HS6ST3: variants seen among roughly 807,000 people sequenced by gnomAD.
HS6ST3 encodes the protein heparan-sulfate 6-O-sulfotransferase 3.
HS6ST3 carries 12 observed loss-of-function variants against 36.7 expected under a neutral mutation model. The observed-to-expected ratio is 0.33, with a 90% CI of 0.21 to 0.53. HS6ST3 has a LOEUF of 0.53. HS6ST3 is among the 20% of genes least tolerant of loss of function. The pLI is 0.95. For synonymous variants in HS6ST3, 240 were observed against 257.5 expected (o/e 0.93, Z 0.65); for missense variants, 584 against 640.9 (o/e 0.91, Z 0.96).
intron 1 of HS6ST3, among the ~76,000 whole-genome samples, chr13:96,557,206 G>T (rs1254532777): frequency 6.6e-6 from 1 of 152,158 alleles, no homozygotes. Context: ...GTACCTGTGA[G>T]GTGGGTCTTG....
rs1444354627 is a variant in HS6ST3, at chr13:96,710,222, A to G, written c.708-122268A>G. Reference sequence around the variant, plus strand: ...GAAAATGGCCAAAAAAGACAGCCAAAGAAAATAGGATGAAGTAGTAAGCAG... The same window carrying G: ...GAAAATGGCCAAAAAAGACAGCCAAGGAAAATAGGATGAAGTAGTAAGCAG... On this transcript the variant is annotated intron_variant, in intron 1 of 1. Transcript: ENST00000376705. 2.0e-5 allele frequency among the ~76,000 whole-genome samples: 3 copies of G among 152,280 alleles called. No homozygotes were observed. In the East Asian group the frequency reaches 5.8e-4, roughly 29 times the overall value.
intron 1 of HS6ST3, among the ~76,000 whole-genome samples, chr13:96,564,825 A>G (rs2056275108): frequency 6.6e-6 from 1 of 152,206 alleles, no homozygotes; most frequent in Admixed American, 6.6e-5. Context: ...GTAATTTAAA[A>G]CACTCGTAGT....
chr13:96,153,118 A>G (rs979618392), intron 1 of HS6ST3, among the ~76,000 whole-genome samples: 2 of 152,128 alleles, frequency 1.3e-5, no homozygotes, highest in African/African-American at 4.8e-5. Flanking sequence ...ACACGTAAGC[A>G]TATGGACACA....
At chr13:96,732,862 G>A (rs1415186031) in intron 1 of HS6ST3, among the ~76,000 whole-genome samples, 1 of 151,960 alleles carries the variant, frequency 6.6e-6, no homozygotes, top group Non-Finnish European at 1.5e-5. Context: ...CTTTCACCTT[G>A]TTTGTTAAAT....
intron 1 of HS6ST3, among the ~76,000 whole-genome samples, chr13:96,168,460 C>A (rs2054171243): frequency 6.6e-6 from 1 of 152,062 alleles, no homozygotes; most frequent in East Asian, 1.9e-4. Context: ...AATCCCAGCA[C>A]TTTGGGTGGC....
intron 1 of HS6ST3, among the ~76,000 whole-genome samples, chr13:96,288,194 T>G (rs2054813054): frequency 6.6e-6 from 1 of 152,202 alleles, no homozygotes; most frequent in Non-Finnish European, 1.5e-5. Flanking sequence ...GTAATCCCTC[T>G]CTGAACCTGA....
chr13:96,612,858 G>C (rs1302005584), intron 1 of HS6ST3, among the ~76,000 whole-genome samples: 1 of 152,052 alleles, frequency 6.6e-6, no homozygotes, highest in Non-Finnish European at 1.5e-5. Flanking sequence ...CTCTAACCTG[G>C]CTTCCTTCCA....
In HS6ST3 at chr13:96,595,029, CT is replaced by C. The variant is rs1229571483; in HGVS notation, c.708-237458del. Among the ~76,000 whole-genome samples, 3 of 151,896 alleles carry C rather than the reference CT, an allele frequency of 2.0e-5. No individual in the cohort carries two copies. The South Asian group carries it at 6.2e-4, about 32-fold the overall frequency. On this transcript the variant is annotated intron_variant, in intron 1 of 1. Coordinates refer to ENST00000376705, the MANE Select transcript of HS6ST3 (RefSeq NM_153456.4). ...TAGCTTTTCTTTTTTCTCTTTAGAA[CT>C]TTGTTGTTTTTGTTTTTGTTTTGTG...
At chr13:96,282,691 A>G (rs905845365) in intron 1 of HS6ST3, among the ~76,000 whole-genome samples, 5 of 152,196 alleles carry the variant, frequency 3.3e-5, no homozygotes, top group African/African-American at 4.8e-5. Context: ...TATGTTGAAT[A>G]ATATGTAAGT....
chr13:96,208,545 T>C (rs1422691483), intron 1 of HS6ST3, among the ~76,000 whole-genome samples: 1 of 152,218 alleles, frequency 6.6e-6, no homozygotes, highest in Admixed American at 6.5e-5. Context: ...TAATACCAAG[T>C]ATTTTAGAAA....
intron 1 of HS6ST3, among the ~76,000 whole-genome samples, chr13:96,548,425 A>C (rs532835752): frequency 9.9e-5 from 15 of 152,242 alleles, no homozygotes; most frequent in Admixed American, 3.9e-4. Flanking sequence ...TGGCTTATGC[A>C]TTGTCACCCC....
chr13:96,095,651 A>G (rs1176357946), intron 1 of HS6ST3, among the ~76,000 whole-genome samples: 2 of 152,162 alleles, frequency 1.3e-5, no homozygotes, highest in African/African-American at 4.8e-5. Flanking sequence ...AAATTGGCCA[A>G]TTCCACAAGA....
intron 1 of HS6ST3, among the ~76,000 whole-genome samples, chr13:96,494,284 A>G (rs548550022): frequency 9.2e-5 from 14 of 151,680 alleles, no homozygotes; most frequent in African/African-American, 3.1e-4. Flanking sequence ...TCAGCAAACT[A>G]TCGCAAGGAC....
At chr13:96,696,452 A>C (rs656229) in intron 1 of HS6ST3, among the ~76,000 whole-genome samples, 1 of 152,194 alleles carries the variant, frequency 6.6e-6, no homozygotes, top group African/African-American at 2.4e-5. Context: ...TGACCATCGC[A>C]CTTCAAAATA....
At chr13:96,141,074 A>G (rs1298337668) in intron 1 of HS6ST3, among the ~76,000 whole-genome samples, 2 of 152,212 alleles carry the variant, frequency 1.3e-5, no homozygotes, top group African/African-American at 4.8e-5. Flanking sequence ...TGGACAAAAG[A>G]ATGTCACAAA....
intron 1 of HS6ST3, among the ~76,000 whole-genome samples, chr13:96,404,215 T>G (rs922035784): frequency 1.3e-5 from 2 of 152,132 alleles, no homozygotes; most frequent in Non-Finnish European, 2.9e-5. Context: ...TTAAATCACA[T>G]TTTATTTTTG....
chr13:96,235,794 T>C (rs2139369985), intron 1 of HS6ST3, among the ~76,000 whole-genome samples: 1 of 152,258 alleles, frequency 6.6e-6, no homozygotes, highest in African/African-American at 2.4e-5. Context: ...CCAAACCAGA[T>C]TATTATTTTT....
intron 1 of HS6ST3, among the ~76,000 whole-genome samples, chr13:96,320,086 A>G (rs2054995991): frequency 6.6e-6 from 1 of 152,204 alleles, no homozygotes. Context: ...AAAAACAAAC[A>G]AAAAGAATCT....
intron 1 of HS6ST3, among the ~76,000 whole-genome samples, chr13:96,108,400 C>A (rs1016495057): frequency 6.6e-6 from 1 of 152,212 alleles, no homozygotes; most frequent in African/African-American, 2.4e-5. Context: ...ACTTCATCAG[C>A]AATTCTAGTT....
Sources: gnomAD v4.1 joint callset for allele counts (sites outside exome capture counted in the v4.1 genomes callset) on GRCh38, gnomAD v4.1.1 for gene constraint, MANE v1.5 for transcripts, NCBI Gene and HGNC (gene_info 2026-07-23, HGNC 2026-07-21) for gene names.